TENM3: variants seen among roughly 807,000 people sequenced by gnomAD.
TENM3 encodes teneurin-3.
A neutral mutation model predicts 255.1 loss-of-function variants in TENM3; 63 were observed. The ratio of observed to expected loss-of-function variants is 0.25; its 90% CI spans 0.20 to 0.30. The LOEUF (loss-of-function observed/expected upper bound fraction) is 0.30, where lower values mean the gene tolerates loss of function less well. Among genes scored for constraint, TENM3 ranks in the 10% least tolerant of loss-of-function variants. The pLI, the probability that TENM3 is intolerant of heterozygous loss-of-function variation, is 1.00. For missense variants in TENM3, 2,929 were observed against 3,461.1 expected (o/e 0.85, Z 3.86); for synonymous variants, 1,306 against 1,322.3 (o/e 0.99, Z 0.27).
intron 15 of TENM3, 127 bp downstream of exon 15, chr4:182,730,446 CT>C (rs1760601973): frequency 9.9e-7 from 1 of 1,008,536 alleles, no homozygotes; most frequent in South Asian, 1.6e-5. Flanking sequence ...ACTCTACAAA[CT>C]TGTGACAGTA....
chr4:182,160,253 C>T (rs942647447), intron 1 of TENM3, among the ~76,000 whole-genome samples: 6 of 152,112 alleles, frequency 3.9e-5, no homozygotes, highest in Admixed American at 6.5e-5. Context: ...CCGCCCGCCT[C>T]GGCCTCCCAA....
At chr4:182,192,644 C>T (rs1753595016) in intron 1 of TENM3, among the ~76,000 whole-genome samples, 1 of 152,186 alleles carries the variant, frequency 6.6e-6, no homozygotes, top group African/African-American at 2.4e-5. Context: ...TACTAATTCT[C>T]ACTTTGCAGT....
chr4:181,944,478 C>T, the TENM3 span, among the ~76,000 whole-genome samples: 3 of 152,186 alleles, frequency 2.0e-5, no homozygotes, highest in East Asian at 5.8e-4. Context: ...ATGCCAACCT[C>T]TTCCAGAAAC....
the TENM3 span, among the ~76,000 whole-genome samples, chr4:181,733,660 C>T: frequency 1.3e-5 from 2 of 152,068 alleles, no homozygotes; most frequent in Non-Finnish European, 2.9e-5. Context: ...ACTGAGTATC[C>T]AAGTATCTCA....
At chr4:181,925,477 T>A in the TENM3 span, among the ~76,000 whole-genome samples, 1 of 152,242 alleles carries the variant, frequency 6.6e-6, no homozygotes, top group African/African-American at 2.4e-5. Flanking sequence ...ACAATTCACA[T>A]TACCGGATTT....
At chr4:181,904,900 G>A in the TENM3 span, among the ~76,000 whole-genome samples, 68 of 152,208 alleles carry the variant, frequency 4.5e-4, no homozygotes, top group South Asian at 9.6e-3. Context: ...TCATGATAGC[G>A]AATGGGTCTC....
At chr4:181,461,932 G>GCA in the TENM3 span, among the ~76,000 whole-genome samples, 1 of 149,286 alleles carries the variant, frequency 6.7e-6, no homozygotes, top group Non-Finnish European at 1.5e-5. Flanking sequence ...TGAATTGAAT[G>GCA]CCAGACATTA....
chr4:182,230,991 C>T (rs1756537042), intron 1 of TENM3, among the ~76,000 whole-genome samples: 1 of 151,404 alleles, frequency 6.6e-6, no homozygotes, highest in African/African-American at 2.4e-5. Flanking sequence ...ACCTGAGGGT[C>T]TCTAACACTC....
Position 182,799,789 on chromosome 4 carries a change from T to G in TENM3, c.7538T>G (p.Val2513Gly). ...AGCCAGGGCCGCGTGCAGACCAACG[T>G]GCTCAACATCGCCAACGAGGACTGC... Reference protein sequence around the residue: ...AVSQGRVQTNVLNIANEDCIK... With the variant: ...AVSQGRVQTNGLNIANEDCIK... The change falls in exon 28 of 28, where the codon GTG (valine) becomes GGG (glycine). Residue 2513 changes from valine (V) to glycine (G), a missense_variant. Physicochemically the swap from Val to Gly is moderately radical, Grantham distance 109. Coordinates refer to ENST00000511685, the MANE Select transcript of TENM3 (RefSeq NM_001080477.4). This position sits in a 1 kb window ranked among gnomAD's most constrained non-coding sequence, Gnocchi z 4.2. 1 of 1,601,804 alleles carries G rather than the reference T, an allele frequency of 6.2e-7. No individual in the cohort carries two copies.
At chr4:182,774,511 C>G (rs1240696034) in intron 23 of TENM3, among the ~76,000 whole-genome samples, 1 of 152,154 alleles carries the variant, frequency 6.6e-6, no homozygotes, top group African/African-American at 2.4e-5. Flanking sequence ...GGATCTTTGA[C>G]AGAAGATGCA....
At chr4:182,675,170 C>G (rs565848116) in intron 7 of TENM3, among the ~76,000 whole-genome samples, 1 of 152,222 alleles carries the variant, frequency 6.6e-6, no homozygotes, top group Admixed American at 6.5e-5. Flanking sequence ...GCCACCGCAC[C>G]CAGCCAGTCT....
chr4:182,144,616 C>T (rs577844670), upstream of TENM3: 6 of 147,812 alleles, frequency 4.1e-5, no homozygotes, highest in South Asian at 1.3e-3. Context: ...CCGGCGCCCG[C>T]TCCCCGCTCC....
At chr4:182,496,390 G>GA (rs111605575) in intron 3 of TENM3, among the ~76,000 whole-genome samples, 6,195 of 149,208 alleles carry the variant, frequency 0.042, 187 homozygotes, top group African/African-American at 0.07. Context: ...TTCCTGAGAG[G>GA]AAAAAAAAAA....
At chr4:182,042,602 A>C in the TENM3 span, among the ~76,000 whole-genome samples, 1 of 152,222 alleles carries the variant, frequency 6.6e-6, no homozygotes, top group Non-Finnish European at 1.5e-5. Flanking sequence ...GAAGTAAAGG[A>C]CTTTCTAAAT....
the TENM3 span, among the ~76,000 whole-genome samples, chr4:181,733,584 C>G: frequency 6.6e-6 from 1 of 152,142 alleles, no homozygotes; most frequent in South Asian, 2.1e-4. Context: ...TCCATTTCAT[C>G]TGGTGGGCAT....
chr4:181,702,182 T>C, the TENM3 span, among the ~76,000 whole-genome samples: 1 of 152,230 alleles, frequency 6.6e-6, no homozygotes, highest in Non-Finnish European at 1.5e-5. Flanking sequence ...GAACTGAAAC[T>C]GAGGCTATGG....
the TENM3 span, among the ~76,000 whole-genome samples, chr4:182,127,954 T>C: frequency 6.6e-6 from 1 of 152,260 alleles, no homozygotes; most frequent in South Asian, 2.1e-4. Flanking sequence ...GCAGGATGTG[T>C]ATAATAAATA....
intron 3 of TENM3, among the ~76,000 whole-genome samples, chr4:182,596,798 A>T (rs980567220): frequency 2.0e-5 from 3 of 152,308 alleles, no homozygotes; most frequent in African/African-American, 7.2e-5. Context: ...TCTAGGAGTA[A>T]ATCGACATGT....
intron 3 of TENM3, among the ~76,000 whole-genome samples, chr4:182,472,909 GAC>G (rs1168999322): frequency 6.6e-6 from 1 of 152,048 alleles, no homozygotes; most frequent in Admixed American, 6.6e-5. Flanking sequence ...TTGTTGTGGA[GAC>G]AGAGTCTTGC....
Sources: gnomAD v4.1 joint callset for allele counts (sites outside exome capture counted in the v4.1 genomes callset) on GRCh38, gnomAD v4.1.1 for gene constraint, Gnocchi (gnomAD v3.1) non-coding constraint, MANE v1.5 for transcripts, NCBI Gene and HGNC (gene_info 2026-07-23, HGNC 2026-07-21) for gene names.